The following MAOB variants were observed in gnomAD, a reference collection of about 807,000 sequenced individuals.
MAOB encodes amine oxidase [flavin-containing] B.
MAOB carries 15 observed loss-of-function variants against 41.9 expected under a neutral mutation model. That is an observed-to-expected ratio of 0.36 (90% CI 0.24 to 0.55). The LOEUF (loss-of-function observed/expected upper bound fraction) is 0.55. Among genes scored for constraint, MAOB ranks in the 20% least tolerant of loss-of-function variants. The pLI is 0.86. For synonymous variants in MAOB, 167 were observed against 144.2 expected (o/e 1.16, Z -1.13); for missense variants, 345 against 398.7 (o/e 0.87, Z 1.15).
At chrX:43,783,994 C>T (rs1005102403) in intron 8 of MAOB, among the ~76,000 whole-genome samples, 1 of 112,085 alleles carries the variant, frequency 8.9e-6, no homozygotes, top group African/African-American at 3.2e-5. Flanking sequence ...CAAGAAATCA[C>T]GTTCTTTGCA....
At chrX:43,838,700 T>C (rs778264652) in intron 3 of MAOB, among the ~76,000 whole-genome samples, 168 bp downstream of exon 3, 69 of 112,467 alleles carry the variant, frequency 6.1e-4, no homozygotes, top group African/African-American at 2.1e-3. Flanking sequence ...CCCACCTAAT[T>C]CACCTTTGAT....
chrX:43,874,889 A>G (rs2035430418), intron 1 of MAOB, among the ~76,000 whole-genome samples: 1 of 111,845 alleles, frequency 8.9e-6, no homozygotes, highest in African/African-American at 3.3e-5. Flanking sequence ...TCAATTATAC[A>G]TTAGTTTAAT....
intron 1 of MAOB, among the ~76,000 whole-genome samples, chrX:43,875,330 G>A (rs2035432893): frequency 9.0e-6 from 1 of 111,532 alleles, no homozygotes; most frequent in African/African-American, 3.3e-5. Context: ...AAAACCAGGC[G>A]ATCTTAACTA....
At position 43,878,259 on chromosome X, in the gene MAOB, T is replaced by C. The variant is rs185395211; in HGVS notation, c.46+3995A>G. 8.2e-3 allele frequency among the ~76,000 whole-genome samples: 910 copies of C among 111,393 alleles called. 3 individuals carry two copies. The highest frequency in any genetic ancestry group is 0.013 in the Non-Finnish European group (698 of 53,060). ...CTATTCTCCCCCTCCCAGTCTTTTT[T>C]TATAGGCAGTCTTTGTCTGTGGCCC... is the stretch of plus-strand genomic sequence containing the variant. On this transcript the variant is annotated intron_variant, in intron 1 of 14. Coordinates refer to ENST00000378069, the MANE Select transcript of MAOB (RefSeq NM_000898.5).
intron 8 of MAOB, among the ~76,000 whole-genome samples, chrX:43,787,948 TA>T (rs1416648479): frequency 8.9e-6 from 1 of 112,017 alleles, no homozygotes; most frequent in Non-Finnish European, 1.9e-5. Flanking sequence ...AAATTTTAAA[TA>T]TTATTAGCTG....
At chrX:43,770,486 G>C (rs977982782) in intron 12 of MAOB, among the ~76,000 whole-genome samples, 1 of 111,823 alleles carries the variant, frequency 8.9e-6, no homozygotes, top group Non-Finnish European at 1.9e-5. Context: ...ATTTGCTCTC[G>C]GTCACAGCTA....
chrX:43,824,934 TTACTTCTC>T (rs2147153672), intron 3 of MAOB, among the ~76,000 whole-genome samples: 1 of 112,995 alleles, frequency 8.8e-6, no homozygotes, highest in Non-Finnish European at 1.9e-5. Context: ...TCACATCATG[TTACTTCTC>T]TACTTCAAAC....
chrX:43,774,260 A>C (rs1316335392), intron 12 of MAOB, among the ~76,000 whole-genome samples: 1 of 111,717 alleles, frequency 9.0e-6, no homozygotes, highest in Non-Finnish European at 1.9e-5. Context: ...AGTCATAAAA[A>C]TCACTGCTAT....
At chrX:43,771,530 A>G (rs2034183885) in intron 12 of MAOB, among the ~76,000 whole-genome samples, 1 of 111,563 alleles carries the variant, frequency 9.0e-6, no homozygotes, top group African/African-American at 3.3e-5. Flanking sequence ...CATGAAATAT[A>G]TAGAGAGCCT....
At chrX:43,882,156 G>A in intron 1 of MAOB, 98 bp downstream of exon 1, 1 of 1,148,736 alleles carries the variant, frequency 8.7e-7, no homozygotes, top group Non-Finnish European at 1.2e-6. Flanking sequence ...GGGGACTCCA[G>A]GGTCAGCCCC....
At chrX:43,880,196 A>G (rs2035464583) in intron 1 of MAOB, among the ~76,000 whole-genome samples, 2 of 112,418 alleles carry the variant, frequency 1.8e-5, no homozygotes, top group East Asian at 2.8e-4. Context: ...AATGTGGAAC[A>G]GGAAGTAAAT....
chrX:43,834,317 A>G (rs1032591449), intron 3 of MAOB, among the ~76,000 whole-genome samples: 8 of 111,748 alleles, frequency 7.2e-5, no homozygotes, highest in African/African-American at 2.6e-4. Flanking sequence ...CCCTGGATTA[A>G]TAGGATCGGG....
chrX:43,795,414 CA>C (rs1289090409), intron 7 of MAOB, among the ~76,000 whole-genome samples: 1 of 111,064 alleles, frequency 9.0e-6, no homozygotes, highest in African/African-American at 3.3e-5. Context: ...CAGAAGCTCC[CA>C]GAACTCGGTC....
At chrX:43,853,806 G>A (rs780808419) in intron 1 of MAOB, among the ~76,000 whole-genome samples, 36 of 111,317 alleles carry the variant, frequency 3.2e-4, no homozygotes, top group Non-Finnish European at 5.5e-4. Context: ...GGAGAGGCAT[G>A]GCACAGATTC....
chrX:43,834,032 C>T (rs1027009841), intron 3 of MAOB, among the ~76,000 whole-genome samples: 9 of 112,180 alleles, frequency 8.0e-5, no homozygotes, highest in African/African-American at 2.9e-4. Flanking sequence ...CTATTCTCCA[C>T]ATTTTTCCTT....
chrX:43,874,483 C>T (rs759166149), intron 1 of MAOB, among the ~76,000 whole-genome samples: 5 of 111,755 alleles, frequency 4.5e-5, no homozygotes, highest in Admixed American at 1.9e-4. Context: ...ATCAGGCACA[C>T]GACCATCCAC....
chrX:43,817,853 T>TAGCAACC (rs2034837034), intron 3 of MAOB, among the ~76,000 whole-genome samples: 1 of 112,361 alleles, frequency 8.9e-6, no homozygotes, highest in East Asian at 2.8e-4. Context: ...ACCTTTATTA[T>TAGCAACC]TCTTCATAGC....
rs772609517 is a variant in MAOB at position 43,843,862 on chromosome X, G to A, written c.47-98C>T. On this transcript the variant is annotated intron_variant, in intron 1 of 14. Coordinates refer to ENST00000378069, the MANE Select transcript of MAOB (RefSeq NM_000898.5). Reference sequence around the variant, plus strand: ...ATGAGAAAAGTCCATGCTGGCTCACGTGCACCGCCTATTGTTACATTCAAC... The same window carrying A: ...ATGAGAAAAGTCCATGCTGGCTCACATGCACCGCCTATTGTTACATTCAAC... 998 of 1,100,243 alleles carry A rather than the reference G, an allele frequency of 9.1e-4. 1 individual carries two copies. The highest frequency in any genetic ancestry group is 1.6e-3 in the Admixed American group (56 of 34,525). The allele number at this position is 1,100,243 out of a possible 1,213,427, so 90.7% of individuals were successfully genotyped here. A position where few individuals can be genotyped will look rare whatever the true frequency, so the allele number is the denominator to read the frequency against.
chrX:43,805,114 T>C (rs1440674966), intron 3 of MAOB, among the ~76,000 whole-genome samples: 2 of 111,718 alleles, frequency 1.8e-5, no homozygotes, highest in Admixed American at 1.9e-4. Context: ...AATGGCTAAA[T>C]TGAGCTAATT....
Sources: allele counts gnomAD v4.1 joint callset (sites outside exome capture counted in the v4.1 genomes callset), GRCh38; gene constraint gnomAD v4.1.1; transcripts MANE v1.5; gene names NCBI Gene and HGNC (gene_info 2026-07-23, HGNC 2026-07-21).